Variants in ME3 observed in about 807,000 individuals in gnomAD.
ME3 encodes the protein NADP-dependent malic enzyme, mitochondrial.
A neutral mutation model predicts 68.9 loss-of-function variants in ME3; 48 were observed. The ratio of observed to expected loss-of-function variants is 0.70; its 90% confidence interval spans 0.55 to 0.89. The LOEUF (loss-of-function observed/expected upper bound fraction) is 0.89. Among genes scored for constraint, ME3 ranks in the 40% least tolerant of loss-of-function variants. The pLI is 0.00. For synonymous variants in ME3, 320 were observed against 318.8 expected (o/e 1.00, Z -0.04); for missense variants, 675 against 797.4 (o/e 0.85, Z 1.85).
chr11:86,466,013 A>G (rs1458384), intron 7 of ME3, among the ~76,000 whole-genome samples: 64,922 of 152,000 alleles, frequency 0.43, 14,223 homozygotes, highest in South Asian at 0.53. Context: ...GATGCTTGAT[A>G]TGCCTTATTT....
At chr11:86,450,423 A>G (rs753983710) in intron 8 of ME3, 25 bp from the exon 9 acceptor site, 5 of 1,597,924 alleles carry the variant, frequency 3.1e-6, no homozygotes, top group East Asian at 2.2e-5. Flanking sequence ...CCTGAGATCA[A>G]CCTCTGGCCA....
chr11:86,478,226 G>A (rs746392235), intron 7 of ME3, among the ~76,000 whole-genome samples: 2 of 140,108 alleles, frequency 1.4e-5, no homozygotes, highest in Non-Finnish European at 1.5e-5. Flanking sequence ...AGATAGGAAT[G>A]ATCTATAAAG....
At chr11:86,443,516 A>C (rs1949121175) in intron 13 of ME3, among the ~76,000 whole-genome samples, 1 of 152,232 alleles carries the variant, frequency 6.6e-6, no homozygotes, top group African/African-American at 2.4e-5. Flanking sequence ...CTGAGGGTTA[A>C]GCCTCATCTG....
At chr11:86,603,149 G>T (rs1283174220) in intron 2 of ME3, among the ~76,000 whole-genome samples, 2 of 152,158 alleles carry the variant, frequency 1.3e-5, no homozygotes, top group African/African-American at 4.8e-5. Flanking sequence ...ACTACCATCA[G>T]AGTGAACAGG....
chr11:86,559,864 A>G (rs1565952160), intron 2 of ME3, 41 bp from the exon 3 acceptor site: 2 of 1,596,544 alleles, frequency 1.3e-6, no homozygotes, highest in East Asian at 2.3e-5. Flanking sequence ...ATAAGTGCAT[A>G]CTCAGGAGAC....
intron 4 of ME3, among the ~76,000 whole-genome samples, chr11:86,532,453 A>G (rs1248693200): frequency 2.0e-5 from 3 of 152,226 alleles, no homozygotes; most frequent in African/African-American, 7.2e-5. Context: ...TCCTGGATAG[A>G]TCATATGTTA....
intron 2 of ME3, among the ~76,000 whole-genome samples, chr11:86,663,606 C>T (rs1413821617): frequency 1.3e-5 from 2 of 152,174 alleles, no homozygotes; most frequent in Non-Finnish European, 2.9e-5. Context: ...AACAAAAGTG[C>T]TGCACATTAG....
intron 2 of ME3, among the ~76,000 whole-genome samples, chr11:86,609,405 T>C (rs1942395814): frequency 6.6e-6 from 1 of 152,216 alleles, no homozygotes; most frequent in Admixed American, 6.5e-5. Flanking sequence ...GAAAAAGCTC[T>C]GGGAGATAGC....
intron 2 of ME3, among the ~76,000 whole-genome samples, chr11:86,571,417 A>C (rs1957782188): frequency 6.6e-6 from 1 of 152,198 alleles, no homozygotes; most frequent in African/African-American, 2.4e-5. Context: ...GCCTGCCCTC[A>C]CTAGAACAGC....
At chr11:86,613,402 A>G (rs898941778) in intron 2 of ME3, among the ~76,000 whole-genome samples, 3 of 152,086 alleles carry the variant, frequency 2.0e-5, no homozygotes, top group Admixed American at 6.6e-5. Flanking sequence ...CCCTTTGAAA[A>G]CTGGTACAAG....
chr11:86,656,550 A>G (rs1305459543), intron 2 of ME3, among the ~76,000 whole-genome samples: 3 of 146,316 alleles, frequency 2.1e-5, no homozygotes, highest in Non-Finnish European at 3.0e-5. Context: ...CTGAACAATG[A>G]GAACACATGG....
At chr11:86,610,062 A>T (rs1397448022) in intron 2 of ME3, among the ~76,000 whole-genome samples, 1 of 152,186 alleles carries the variant, frequency 6.6e-6, no homozygotes, top group East Asian at 1.9e-4. Context: ...CATTTCATAT[A>T]ATGTCTAACA....
Position 86,578,007 on chromosome 11 carries a change from G to A in ME3, c.184-18184C>T, listed in dbSNP as rs78538441. Among the ~76,000 whole-genome samples the A allele has an allele frequency of 1.2e-4, 19 of 152,288 alleles. No individual in the cohort carries two copies. The East Asian group carries it at 1.7e-3, about 14-fold the overall frequency. ...GCGAAGTTGTTGGATAAGAACCAGCGTGGAAGAGATTCCATTTCTTTTCAA... is the reference window on the plus strand; with the variant it reads ...GCGAAGTTGTTGGATAAGAACCAGCATGGAAGAGATTCCATTTCTTTTCAA... On this transcript the variant is annotated intron_variant, in intron 2 of 14. Transcript: ENST00000543262.
intron 2 of ME3, among the ~76,000 whole-genome samples, chr11:86,592,260 C>CT (rs1188258604): frequency 1.3e-5 from 2 of 151,994 alleles, no homozygotes; most frequent in Non-Finnish European, 1.5e-5. Context: ...CAGGCTGCTG[C>CT]TTTTTTTTCT....
At chr11:86,568,596 A>G (rs1366527910) in intron 2 of ME3, among the ~76,000 whole-genome samples, 1 of 152,206 alleles carries the variant, frequency 6.6e-6, no homozygotes, top group East Asian at 1.9e-4. Flanking sequence ...GGATATTTCA[A>G]TAGCTCCCAC....
intron 13 of ME3, among the ~76,000 whole-genome samples, chr11:86,444,345 G>T (rs1219519665): frequency 6.6e-6 from 1 of 152,132 alleles, no homozygotes; most frequent in Non-Finnish European, 1.5e-5. Context: ...AGGAGGGCCT[G>T]GTGATGAAGT....
At chr11:86,450,086 CT>C in intron 9 of ME3, 84 bp from the exon 10 acceptor site, 1 of 1,197,628 alleles carries the variant, frequency 8.3e-7, no homozygotes, top group Non-Finnish European at 1.2e-6. Context: ...TAAGGACCCC[CT>C]TTTCTTTCCC....
chr11:86,656,547 A>G (rs9943508), intron 2 of ME3, among the ~76,000 whole-genome samples: 104,568 of 148,356 alleles, frequency 0.7, 37,824 homozygotes, highest in Non-Finnish European at 0.8. Context: ...GAACTGAACA[A>G]TGAGAACACA....
chr11:86,450,445 C>G (rs746711039), intron 8 of ME3, 47 bp from the exon 9 acceptor site: 1 of 1,525,958 alleles, frequency 6.6e-7, no homozygotes, highest in South Asian at 1.1e-5. Flanking sequence ...AGGCCGCCAG[C>G]TCCCAAGAGA....
Sources: gnomAD v4.1 joint callset for allele counts (sites outside exome capture counted in the v4.1 genomes callset) on GRCh38, gnomAD v4.1.1 for gene constraint, MANE v1.5 for transcripts, NCBI Gene and HGNC (gene_info 2026-07-23, HGNC 2026-07-21) for gene names.